The following XNDC1N variants were observed in gnomAD, a reference collection of about 807,000 sequenced individuals.
XNDC1N encodes the protein protein XNDC1N.
the XNDC1N span, chr11:71,917,845 G>A: frequency 2.9e-6 from 2 of 681,376 alleles, no homozygotes. Context: ...TACGGTGGAA[G>A]GAGGACACTC....
At chr11:71,899,293 G>A in the XNDC1N span, among the ~76,000 whole-genome samples, 1 of 152,106 alleles carries the variant, frequency 6.6e-6, no homozygotes, top group East Asian at 1.9e-4. Flanking sequence ...AGCCTCCATG[G>A]TGCACCACAC....
chr11:71,897,387 A>T, the XNDC1N span, among the ~76,000 whole-genome samples: 5 of 152,332 alleles, frequency 3.3e-5, no homozygotes, highest in East Asian at 9.6e-4. Flanking sequence ...AACAACAAGA[A>T]ACCCAAAGCA....
the XNDC1N span, chr11:71,893,383 A>T: frequency 2.8e-5 from 19 of 669,100 alleles, no homozygotes. Context: ...TTCCTTGTGA[A>T]TTGCTTGCAT....
At chr11:71,877,871 C>CAG in the XNDC1N span, among the ~76,000 whole-genome samples, 2 of 152,150 alleles carry the variant, frequency 1.3e-5, no homozygotes, top group Non-Finnish European at 2.9e-5. Flanking sequence ...TAATTCCTCT[C>CAG]ATATTACATA....
the XNDC1N span, among the ~76,000 whole-genome samples, chr11:71,907,881 A>G: frequency 6.6e-6 from 1 of 152,120 alleles, no homozygotes; most frequent in East Asian, 1.9e-4. Context: ...GGGGGTGTAC[A>G]CTTCCTGTGA....
At chr11:71,891,285 G>T in the XNDC1N span, among the ~76,000 whole-genome samples, 1 of 151,542 alleles carries the variant, frequency 6.6e-6, no homozygotes, top group Non-Finnish European at 1.5e-5. Flanking sequence ...ACAGGGCTGT[G>T]GAAACCCCCT....
chr11:71,911,497 G>A, the XNDC1N span, among the ~76,000 whole-genome samples: 1 of 152,118 alleles, frequency 6.6e-6, no homozygotes, highest in African/African-American at 2.4e-5. Flanking sequence ...TGCAGGGTAT[G>A]CAGTGATAAC....
the XNDC1N span, among the ~76,000 whole-genome samples, chr11:71,921,598 G>A: frequency 6.6e-6 from 1 of 152,128 alleles, no homozygotes; most frequent in African/African-American, 2.4e-5. Context: ...ATAAGTAAAA[G>A]AGAGAGACCA....
the XNDC1N span, among the ~76,000 whole-genome samples, chr11:71,872,706 T>A: frequency 6.6e-6 from 1 of 152,090 alleles, no homozygotes. Context: ...ATAGCCTGGG[T>A]GACAGAGCAA....
At chr11:71,895,905 G>C in the XNDC1N span, among the ~76,000 whole-genome samples, 1 of 152,188 alleles carries the variant, frequency 6.6e-6, no homozygotes, top group Non-Finnish European at 1.5e-5. Flanking sequence ...GGATGAGACT[G>C]CAGATCTGTA....
the XNDC1N span, among the ~76,000 whole-genome samples, chr11:71,875,204 A>G: frequency 6.6e-6 from 1 of 152,176 alleles, no homozygotes; most frequent in Non-Finnish European, 1.5e-5. Flanking sequence ...GGAGTATTTG[A>G]AAATAGTATA....
chr11:71,923,215 G>C, the XNDC1N span: 1 of 695,686 alleles, frequency 1.4e-6, no homozygotes. Context: ...TCTTCTATTA[G>C]ATTGGGAGTT....
the XNDC1N span, among the ~76,000 whole-genome samples, chr11:71,900,388 G>A: frequency 1.3e-5 from 2 of 152,004 alleles, 1 homozygote; most frequent in African/African-American, 4.8e-5. Context: ...CTTCAAGTGA[G>A]TGCTGAGGGA....
At chr11:71,916,280 G>A in the XNDC1N span, 1 of 701,236 alleles carries the variant, frequency 1.4e-6, no homozygotes, top group Non-Finnish European at 2.6e-6. Flanking sequence ...AACAAAATCA[G>A]GGGGGAATGG....
chr11:71,873,194 CA>C, the XNDC1N span, among the ~76,000 whole-genome samples: 3 of 151,886 alleles, frequency 2.0e-5, no homozygotes, highest in Admixed American at 2.0e-4. Flanking sequence ...TTCGATTCTT[CA>C]GTTGAGCAGT....
chr11:71,916,237 G>A, the XNDC1N span: 1 of 702,584 alleles, frequency 1.4e-6, no homozygotes, highest in Non-Finnish European at 2.6e-6. Context: ...TCCTGAGGCT[G>A]GAGCCAGGAA....
chr11:71,872,905 G>A, the XNDC1N span, among the ~76,000 whole-genome samples: 579 of 152,216 alleles, frequency 3.8e-3, 7 homozygotes, highest in African/African-American at 0.013. Flanking sequence ...CACATATTCA[G>A]GATAGAGGGT....
At chr11:71,918,977 C>A in the XNDC1N span, 3 of 702,978 alleles carry the variant, frequency 4.3e-6, no homozygotes, top group South Asian at 1.5e-5. Context: ...GAGCCAAGGT[C>A]TCCTTGGACT....
At chr11:71,869,110 G>T in the XNDC1N span, among the ~76,000 whole-genome samples, 3 of 152,002 alleles carry the variant, frequency 2.0e-5, no homozygotes, top group Admixed American at 6.6e-5. Context: ...GCGCAGGTTT[G>T]TTACATATGT....
Sources: gnomAD v4.1 joint callset for allele counts (sites outside exome capture counted in the v4.1 genomes callset) on GRCh38, gnomAD v4.1.1 for gene constraint, MANE v1.5 for transcripts, NCBI Gene and HGNC (gene_info 2026-07-23, HGNC 2026-07-21) for gene names.